Variants in CHD5 observed in about 807,000 individuals in gnomAD.
CHD5 encodes ATP-dependent chromatin remodeler CHD5.
In CHD5, 69 loss-of-function variants were observed where a neutral mutation model predicts 230.3. The ratio of observed to expected loss-of-function variants is 0.30; its 90% CI spans 0.25 to 0.37. The LOEUF (loss-of-function observed/expected upper bound fraction) is 0.37, where lower values mean the gene tolerates loss of function less well. Ranked by LOEUF, CHD5 falls within the 10% of genes least tolerant of loss-of-function variation. The probability of loss-of-function intolerance (pLI) is 1.00; values close to 1 mark genes in which losing one functional copy is unlikely to be tolerated. For synonymous variants in CHD5, 1,064 were observed against 1,065.9 expected, an observed-to-expected ratio of 1.00 and a Z score of 0.03; for missense variants, 1,827 against 2,622.8, an observed-to-expected ratio of 0.70 and a Z score of 6.63.
At chr1:6,157,377 C>G (rs931224257) in intron 3 of CHD5, among the ~76,000 whole-genome samples, 1 of 152,234 alleles carries the variant, frequency 6.6e-6, no homozygotes, top group Non-Finnish European at 1.5e-5. Context: ...CATGAGGGTG[C>G]CTGGCCTGAG....
chr1:6,160,157 A>C (rs1472319453), intron 2 of CHD5, among the ~76,000 whole-genome samples: 101 of 85,956 alleles, frequency 1.2e-3, no homozygotes, highest in East Asian at 3.6e-3. Flanking sequence ...GGGCCCCAGC[A>C]AGGGAAGAGC....
At chr1:6,106,544 A>G (rs2100825692) in intron 39 of CHD5, 35 bp from the exon 40 acceptor site, 1 of 1,550,198 alleles carries the variant, frequency 6.5e-7, no homozygotes, top group African/African-American at 1.4e-5. Context: ...AGGTGGTCTC[A>G]GGCCCCCCAC....
intron 2 of CHD5, among the ~76,000 whole-genome samples, chr1:6,162,114 AC>A (rs1667188474): frequency 6.6e-6 from 1 of 152,024 alleles, no homozygotes; most frequent in African/African-American, 2.4e-5. Context: ...GGGCGCGGTG[AC>A]TCACGCTTGA....
At chr1:6,158,377 C>A (rs989344663) in intron 3 of CHD5, among the ~76,000 whole-genome samples, 4 of 152,212 alleles carry the variant, frequency 2.6e-5, no homozygotes, top group African/African-American at 9.6e-5. Context: ...CCCTTTCTAC[C>A]ATAAACAAAG....
rs546242228 is a variant in CHD5 at position 6,105,137 on chromosome 1, A to T, written c.*337T>A. On this transcript the variant is annotated 3_prime_UTR_variant, in exon 42 of 42. Transcript: ENST00000262450. This position sits in a 1 kb window ranked among gnomAD's most constrained non-coding sequence, Gnocchi z 4.8. Reference sequence around the variant, plus strand: ...TCAAGACAAACGTGTTCAAGTCTTCAATAGGAAAGTGCAAAAGATGTACAA... The same window carrying T: ...TCAAGACAAACGTGTTCAAGTCTTCTATAGGAAAGTGCAAAAGATGTACAA... The T allele has an allele frequency of 5.9e-6, 2 of 339,472 alleles. No homozygotes were observed. The highest frequency in any genetic ancestry group is 4.3e-5 in the African/African-American group (2 of 46,502). The allele number at this position is 339,472 out of a possible 1,614,324, so 21.0% of individuals were successfully genotyped here. A position where few individuals can be genotyped will look rare whatever the true frequency, so the allele number is the denominator to read the frequency against.
At chr1:6,172,826 C>T (rs1022911536) in intron 1 of CHD5, among the ~76,000 whole-genome samples, 3 of 152,198 alleles carry the variant, frequency 2.0e-5, no homozygotes, top group African/African-American at 7.2e-5. Context: ...CAGACCCAGG[C>T]TCCAGCCCCT....
intron 31 of CHD5, among the ~76,000 whole-genome samples, chr1:6,122,240 C>T (rs1029701915): frequency 2.0e-5 from 3 of 152,222 alleles, no homozygotes; most frequent in East Asian, 1.9e-4. Context: ...GCCCAACCGA[C>T]GGACCAAGTA....
chr1:6,115,094 C>T (rs6680249), intron 33 of CHD5, among the ~76,000 whole-genome samples: 13,265 of 151,482 alleles, frequency 0.088, 890 homozygotes, highest in East Asian at 0.25. Context: ...GGGCAGATCA[C>T]GAGATCAGGA....
chr1:6,116,101 A>G (rs995112795), intron 33 of CHD5, among the ~76,000 whole-genome samples: 3 of 152,220 alleles, frequency 2.0e-5, no homozygotes, highest in Non-Finnish European at 4.4e-5. Context: ...GTGGTTGAAC[A>G]ACACGTATTT....
chr1:6,102,887 G>A lies in CHD5; in HGVS notation c.*2587C>T, dbSNP rs1666095547. ...GTGCTCACTCCACCCCGAGTCACCT[G>A]AGCCCATGGGGCAATGCCTTCCAAG... On this transcript the variant is annotated 3_prime_UTR_variant, in exon 42 of 42. Coordinates refer to ENST00000262450, the MANE Select transcript of CHD5 (RefSeq NM_015557.3). 1 of 152,406 alleles carries A rather than the reference G, an allele frequency of 6.6e-6. No individual in the cohort carries two copies. The highest frequency in any genetic ancestry group is 1.5e-5 in the Non-Finnish European group (1 of 68,058). 9.4% of individuals were successfully genotyped at this position (152,406 alleles called of 1,614,324 possible).
chr1:6,159,278 C>T (rs1667129712), intron 3 of CHD5, 58 bp downstream of exon 3: 1 of 1,545,496 alleles, frequency 6.5e-7, no homozygotes, highest in Non-Finnish European at 8.7e-7. Flanking sequence ...AGGCAAGAGG[C>T]TCAGCCCCCT....
At chr1:6,108,400 A>G (rs573791601) in intron 38 of CHD5, among the ~76,000 whole-genome samples, 265 of 134,104 alleles carry the variant, frequency 2.0e-3, no homozygotes, top group African/African-American at 7.1e-3. Context: ...GGAGGGATGG[A>G]CGGGTAGAGA....
At chr1:6,144,258 C>T (rs564667048) in intron 11 of CHD5, 103 bp from the exon 12 acceptor site, 2 of 1,507,982 alleles carry the variant, frequency 1.3e-6, no homozygotes, top group African/African-American at 1.4e-5. Context: ...ACCCAGGGTC[C>T]CCTCGGATGC....
chr1:6,118,293 G>A (rs975014341), intron 33 of CHD5, among the ~76,000 whole-genome samples: 2 of 149,896 alleles, frequency 1.3e-5, no homozygotes, highest in Admixed American at 1.3e-4. Context: ...TGGAAAGATC[G>A]CTTGCACCCA....
chr1:6,123,153 C>T (rs577412799), intron 31 of CHD5, among the ~76,000 whole-genome samples: 8 of 152,154 alleles, frequency 5.3e-5, no homozygotes, highest in Non-Finnish European at 1.2e-4. Flanking sequence ...CACTGATGCA[C>T]GCTGCAATGT....
In CHD5 at chr1:6,142,681, G is replaced by C; in HGVS notation, c.2044-76C>G. 2 of 1,432,348 alleles carry C rather than the reference G, an allele frequency of 1.4e-6. No individual in the cohort carries two copies. Among genetic ancestry groups the C allele is most frequent in the Non-Finnish European group, 1.9e-6 (2 of 1,058,376 alleles). The allele number at this position is 1,432,348 out of a possible 1,614,324, so 88.7% of individuals were successfully genotyped here. ...GTCCACACTACAGGCCTTTGCACATGCAATTCCTTCTGCCTGGAACACTCT... is the reference window on the plus strand; with the variant it reads ...GTCCACACTACAGGCCTTTGCACATCCAATTCCTTCTGCCTGGAACACTCT... On this transcript the variant is annotated intron_variant, in intron 13 of 41. Transcript: ENST00000262450. The surrounding 1 kb of genome is among the most constrained non-coding windows in gnomAD (Gnocchi z 5.2).
At chr1:6,133,328 CT>C in intron 20 of CHD5, among the ~76,000 whole-genome samples, 1 of 152,368 alleles carries the variant, frequency 6.6e-6, no homozygotes, top group African/African-American at 2.4e-5. Flanking sequence ...GGCTCAGCCC[CT>C]GGTCTCAAAC....
intron 33 of CHD5, chr1:6,113,478 G>A: frequency 8.3e-6 from 2 of 240,932 alleles, no homozygotes; most frequent in Admixed American, 4.7e-5. Flanking sequence ...AAATCACCGG[G>A]TGCCAGGAAG....
Position 6,158,341 on chromosome 1 carries a change from T to C in CHD5, c.387+995A>G, listed in dbSNP as rs532741614. Among the ~76,000 whole-genome samples the C allele has an allele frequency of 9.8e-5, 15 of 152,364 alleles. No homozygotes were observed. In the South Asian group the frequency reaches 3.1e-3, roughly 32 times the overall value. On this transcript the variant is annotated intron_variant, in intron 3 of 41. Transcript: ENST00000262450. ...AGTAGGAGACTCCGGGAATGCCTGC[T>C]TGGGCAGGATTTCAGAACACAAGTT...
Sources: allele counts gnomAD v4.1 joint callset (sites outside exome capture counted in the v4.1 genomes callset), GRCh38; gene constraint gnomAD v4.1.1; non-coding constraint Gnocchi (gnomAD v3.1); transcripts MANE v1.5; gene names NCBI Gene and HGNC (gene_info 2026-07-23, HGNC 2026-07-21).